The following ENTREP2 variants were observed in gnomAD, a reference collection of about 807,000 sequenced individuals.
ENTREP2 encodes endosomal transmembrane epsin interactor 2, also known as protein ENTREP2.
the ENTREP2 span, among the ~76,000 whole-genome samples, chr15:29,161,007 T>C: frequency 1.3e-5 from 2 of 152,154 alleles, no homozygotes; most frequent in East Asian, 3.9e-4. Flanking sequence ...TTTATCTGAA[T>C]TATTATCTTA....
the ENTREP2 span, among the ~76,000 whole-genome samples, chr15:29,524,274 C>T: frequency 6.6e-6 from 1 of 152,154 alleles, no homozygotes; most frequent in Non-Finnish European, 1.5e-5. Flanking sequence ...AAAAGATGCT[C>T]AACATCTCTA....
chr15:29,535,667 T>C, the ENTREP2 span, among the ~76,000 whole-genome samples: 52,131 of 151,934 alleles, frequency 0.34, 9,092 homozygotes, highest in East Asian at 0.42. Flanking sequence ...CTAGCCTGGG[T>C]GATAAAGCAA....
chr15:29,134,387 G>A, the ENTREP2 span, among the ~76,000 whole-genome samples: 1 of 152,168 alleles, frequency 6.6e-6, no homozygotes, highest in Non-Finnish European at 1.5e-5. Flanking sequence ...GGGGCTCAGG[G>A]GGCCACTGTC....
the ENTREP2 span, chr15:29,265,737 T>C: frequency 1.3e-5 from 2 of 152,230 alleles, no homozygotes; most frequent in Non-Finnish European, 2.9e-5. Flanking sequence ...GGGACATTGC[T>C]ACAAAATACT....
At chr15:29,533,059 G>T in the ENTREP2 span, among the ~76,000 whole-genome samples, 1 of 152,094 alleles carries the variant, frequency 6.6e-6, no homozygotes, top group African/African-American at 2.4e-5. Flanking sequence ...TTGTACACAG[G>T]CTACTTTATT....
chr15:29,605,846 A>T, the ENTREP2 span, among the ~76,000 whole-genome samples: 1 of 152,188 alleles, frequency 6.6e-6, no homozygotes, highest in Admixed American at 6.5e-5. Context: ...AAAGAAAAAA[A>T]TAAAATATGG....
chr15:29,568,710 CA>C, the ENTREP2 span, among the ~76,000 whole-genome samples: 599 of 127,886 alleles, frequency 4.7e-3, no homozygotes, highest in African/African-American at 0.018. Context: ...CCTCTTAAGG[CA>C]AAAAAAAAAA....
At chr15:29,587,768 C>T in the ENTREP2 span, among the ~76,000 whole-genome samples, 3 of 152,134 alleles carry the variant, frequency 2.0e-5, no homozygotes, top group African/African-American at 7.2e-5. Flanking sequence ...AAGCAATCTG[C>T]TGGCCTCAGT....
At chr15:29,469,522 T>C in the ENTREP2 span, among the ~76,000 whole-genome samples, 1 of 152,138 alleles carries the variant, frequency 6.6e-6, no homozygotes, top group African/African-American at 2.4e-5. Context: ...TTCTATGCAG[T>C]ACCTGGAGTA....
At chr15:29,610,472 G>A in the ENTREP2 span, 5 of 150,296 alleles carry the variant, frequency 3.3e-5, no homozygotes, top group Non-Finnish European at 1.5e-5. Flanking sequence ...AAAATGCATC[G>A]ATGGTGGAAA....
the ENTREP2 span, among the ~76,000 whole-genome samples, chr15:29,572,936 T>C: frequency 3.3e-5 from 5 of 151,580 alleles, no homozygotes; most frequent in African/African-American, 1.2e-4. Context: ...TGAAAGAGTG[T>C]TCAGAGGCTG....
chr15:29,631,027 C>T, the ENTREP2 span, among the ~76,000 whole-genome samples: 2 of 152,172 alleles, frequency 1.3e-5, no homozygotes, highest in African/African-American at 4.8e-5. Flanking sequence ...TAATTTTATT[C>T]TCCGTCATCT....
chr15:29,595,445 T>G, the ENTREP2 span, among the ~76,000 whole-genome samples: 1 of 152,190 alleles, frequency 6.6e-6, no homozygotes, highest in Non-Finnish European at 1.5e-5. Context: ...TATTATTCAC[T>G]GGAGTCCATA....
At chr15:29,306,089 T>C in the ENTREP2 span, among the ~76,000 whole-genome samples, 1 of 152,208 alleles carries the variant, frequency 6.6e-6, no homozygotes, top group Non-Finnish European at 1.5e-5. Flanking sequence ...TATGAGGGCC[T>C]TGGGGCCCCA....
chr15:29,529,005 C>T, the ENTREP2 span, among the ~76,000 whole-genome samples: 1 of 151,578 alleles, frequency 6.6e-6, no homozygotes, highest in Non-Finnish European at 1.5e-5. Context: ...GTACTTGAAA[C>T]TTCCAATTAT....
the ENTREP2 span, among the ~76,000 whole-genome samples, chr15:29,603,144 G>A: frequency 6.6e-6 from 1 of 152,176 alleles, no homozygotes. Flanking sequence ...AGGATGTGGG[G>A]GAAGAAGCTG....
At chr15:29,442,085 C>A in the ENTREP2 span, among the ~76,000 whole-genome samples, 1 of 152,192 alleles carries the variant, frequency 6.6e-6, no homozygotes, top group Non-Finnish European at 1.5e-5. Flanking sequence ...CCCCCTGAAG[C>A]ACCAAGGGAA....
At chr15:29,393,731 G>A in the ENTREP2 span, among the ~76,000 whole-genome samples, 1 of 113,176 alleles carries the variant, frequency 8.8e-6, no homozygotes, top group Non-Finnish European at 2.0e-5. Flanking sequence ...ATGAATAGAG[G>A]CTACTTTTAT....
chr15:29,251,623 G>A, the ENTREP2 span, among the ~76,000 whole-genome samples: 6 of 151,888 alleles, frequency 4.0e-5, no homozygotes, highest in Admixed American at 1.3e-4. Context: ...GTGGCCCGAG[G>A]AAGCCAAAAG....
Sources: gnomAD v4.1 joint callset for allele counts (sites outside exome capture counted in the v4.1 genomes callset) on GRCh38, gnomAD v4.1.1 for gene constraint, MANE v1.5 for transcripts, NCBI Gene and HGNC (gene_info 2026-07-23, HGNC 2026-07-21) for gene names.